Variants in GRM7 observed in about 807,000 individuals in gnomAD.
GRM7 encodes the protein metabotropic glutamate receptor 7.
Under a neutral mutation model 84.5 loss-of-function variants are expected in GRM7, and 35 were observed. The observed-to-expected ratio is 0.41, with a 90% confidence interval of 0.32 to 0.55. The LOEUF (loss-of-function observed/expected upper bound fraction) is 0.55. Among genes scored for constraint, GRM7 ranks in the 20% least tolerant of loss-of-function variants. The pLI is 0.19. For missense variants in GRM7, 1,003 were observed against 1,194.6 expected (o/e 0.84, Z 2.36); for synonymous variants, 487 against 455.1 (o/e 1.07, Z -0.89).
rs549145878 is a variant in GRM7, at chr3:6,965,597, A to G, written c.519+103690A>G. On this transcript the variant is annotated intron_variant, in intron 1 of 9. Transcript: ENST00000357716. ...AGATCTTCCTGCCACAGCCTCCCAA[A>G]GTGTTGGGATTACAGGTGTGAGCCA... Among the ~76,000 whole-genome samples the G allele has an allele frequency of 3.3e-5, 5 of 152,076 alleles. No homozygotes were observed. In the East Asian group the frequency reaches 9.7e-4, roughly 29 times the overall value.
At chr3:7,562,702 A>G (rs945649994) in intron 7 of GRM7, among the ~76,000 whole-genome samples, 19 of 152,162 alleles carry the variant, frequency 1.2e-4, no homozygotes, top group African/African-American at 4.3e-4. Context: ...ATTACAGGAA[A>G]AAAAAGAATG....
intron 1 of GRM7, among the ~76,000 whole-genome samples, chr3:6,967,261 T>A (rs1006604779): frequency 1.3e-5 from 2 of 152,130 alleles, no homozygotes. Context: ...CAATCACAGC[T>A]CACTCACTGC....
intron 2 of GRM7, among the ~76,000 whole-genome samples, chr3:7,189,980 C>T (rs1695655249): frequency 1.3e-5 from 2 of 151,932 alleles, no homozygotes; most frequent in South Asian, 4.1e-4. Context: ...ACAAACAGAC[C>T]CACACAGAGA....
At chr3:7,530,802 TC>T (rs893491384) in intron 7 of GRM7, among the ~76,000 whole-genome samples, 3 of 151,964 alleles carry the variant, frequency 2.0e-5, no homozygotes. Flanking sequence ...TTTTTTTTTT[TC>T]CTGTAAATTT....
chr3:7,701,574 T>C (rs2125158846), intron 9 of GRM7, among the ~76,000 whole-genome samples: 1 of 152,204 alleles, frequency 6.6e-6, no homozygotes, highest in East Asian at 2.0e-4. Context: ...AAGTGCGGGA[T>C]TACAGGTGTG....
chr3:7,184,155 T>C (rs954615243), intron 2 of GRM7, among the ~76,000 whole-genome samples: 4 of 152,176 alleles, frequency 2.6e-5, no homozygotes, highest in African/African-American at 9.7e-5. Flanking sequence ...TAGAGAGAGC[T>C]ATTTTATTAG....
Position 7,686,870 on chromosome 3 carries a change from T to C in GRM7, c.2698+6575T>C, listed in dbSNP as rs3804833. Among the ~76,000 whole-genome samples the C allele has an allele frequency of 4.6e-3, 699 of 152,282 alleles. 16 individuals carry two copies. In the East Asian group the frequency reaches 0.091, roughly 20 times the overall value. On this transcript the variant is annotated intron_variant, in intron 9 of 9. Transcript: ENST00000357716. ...GCTTAGTAAATGCAGACCTAGTAAATTGTTTGTTCTAATTTATTTTTAGTA... is the reference window on the plus strand; with the variant it reads ...GCTTAGTAAATGCAGACCTAGTAAACTGTTTGTTCTAATTTATTTTTAGTA...
chr3:7,384,219 G>C (rs562828632), intron 4 of GRM7, among the ~76,000 whole-genome samples: 37 of 152,170 alleles, frequency 2.4e-4, no homozygotes, highest in African/African-American at 8.4e-4. Context: ...AGTAGAGACA[G>C]GGTTTCGCCA....
intron 2 of GRM7, among the ~76,000 whole-genome samples, chr3:7,280,396 TATG>T (rs965035290): frequency 6.6e-6 from 1 of 152,174 alleles, no homozygotes; most frequent in African/African-American, 2.4e-5. Context: ...TTCTTAAAAT[TATG>T]ATGAGAAATG....
chr3:7,364,444 T>G (rs1693794165), intron 4 of GRM7, among the ~76,000 whole-genome samples: 1 of 151,848 alleles, frequency 6.6e-6, no homozygotes, highest in African/African-American at 2.4e-5. Context: ...ATCTCTGATC[T>G]TCTAGTGGTG....
At chr3:7,422,790 C>A (rs1192986614) in intron 5 of GRM7, among the ~76,000 whole-genome samples, 1 of 151,914 alleles carries the variant, frequency 6.6e-6, no homozygotes, top group Non-Finnish European at 1.5e-5. Flanking sequence ...TTTATTATAA[C>A]CATCCTTCCC....
intron 1 of GRM7, among the ~76,000 whole-genome samples, chr3:6,901,876 G>A (rs1696399724): frequency 6.6e-6 from 1 of 151,676 alleles, no homozygotes; most frequent in Non-Finnish European, 1.5e-5. Flanking sequence ...CATAATATCA[G>A]TGAAGTCCTC....
At chr3:7,500,449 G>T (rs1119613) in intron 7 of GRM7, among the ~76,000 whole-genome samples, 2 of 152,096 alleles carry the variant, frequency 1.3e-5, no homozygotes, top group South Asian at 4.1e-4. Context: ...CTTCTGCCAG[G>T]GGGCCAGTTT....
intron 9 of GRM7, among the ~76,000 whole-genome samples, chr3:7,693,462 A>T (rs1490969824): frequency 1.3e-5 from 2 of 152,128 alleles, no homozygotes. Context: ...CTGAGCTGAA[A>T]ATTTGATTAA....
At chr3:7,407,264 C>T (rs928679305) in intron 4 of GRM7, among the ~76,000 whole-genome samples, 15 of 152,148 alleles carry the variant, frequency 9.9e-5, no homozygotes, top group Admixed American at 2.6e-4. Context: ...AGCCTGTGGC[C>T]TCCAGGTAGA....
intron 2 of GRM7, among the ~76,000 whole-genome samples, chr3:7,154,852 C>A (rs1321862954): frequency 6.6e-6 from 1 of 152,092 alleles, no homozygotes; most frequent in Non-Finnish European, 1.5e-5. Context: ...ATTCAGCCTT[C>A]AAGGTGAAGC....
At chr3:6,880,567 T>C (rs1425004762) in intron 1 of GRM7, among the ~76,000 whole-genome samples, 3 of 152,190 alleles carry the variant, frequency 2.0e-5, no homozygotes, top group Non-Finnish European at 4.4e-5. Context: ...AGCCCCTTTA[T>C]ATCTGATTTT....
chr3:7,692,980 T>TC (rs1239694071), intron 9 of GRM7, among the ~76,000 whole-genome samples: 3 of 151,746 alleles, frequency 2.0e-5, no homozygotes, highest in Non-Finnish European at 4.4e-5. Flanking sequence ...TTTCTTTCTT[T>TC]TTTTTTTTTT....
intron 5 of GRM7, among the ~76,000 whole-genome samples, chr3:7,442,991 T>G (rs7611286): frequency 0.038 from 5,682 of 150,974 alleles, 367 homozygotes; most frequent in African/African-American, 0.13. Context: ...CCCCCTTATA[T>G]CATCTTGATC....
Sources: gnomAD v4.1 joint callset for allele counts (sites outside exome capture counted in the v4.1 genomes callset) on GRCh38, gnomAD v4.1.1 for gene constraint, MANE v1.5 for transcripts, NCBI Gene and HGNC (gene_info 2026-07-23, HGNC 2026-07-21) for gene names.